ADAM32: variants seen among roughly 807,000 people sequenced by gnomAD.
ADAM32 encodes ADAM metallopeptidase domain 32.
ADAM32 carries 89 observed loss-of-function variants against 114.9 expected under a neutral mutation model. The observed-to-expected ratio is 0.77, with a 90% confidence interval of 0.65 to 0.92. The LOEUF (loss-of-function observed/expected upper bound fraction) is 0.92, where lower values mean the gene tolerates loss of function less well. ADAM32 is among the 40% of genes least tolerant of loss of function. The pLI is 0.00. For missense variants in ADAM32, 870 were observed against 932.8 expected (o/e 0.93, Z 0.88); for synonymous variants, 285 against 307.5 (o/e 0.93, Z 0.77).
intron 17 of ADAM32, among the ~76,000 whole-genome samples, chr8:39,249,617 T>C (rs1811158900): frequency 6.6e-6 from 1 of 152,176 alleles, no homozygotes; most frequent in Non-Finnish European, 1.5e-5. Flanking sequence ...AATTTAATAG[T>C]GAACCCATCT....
rs374311756 is a variant in ADAM32 at position 39,191,460 on chromosome 8, C to T, written c.1052+4415C>T. On this transcript the variant is annotated intron_variant, in intron 11 of 24. Coordinates refer to ENST00000379907, the MANE Select transcript of ADAM32 (RefSeq NM_145004.7). ...AATAACCATTCTGATTGGTATGAGACGGTATCTCATTGTAGTTTTGATGTG... is the reference window on the plus strand; with the variant it reads ...AATAACCATTCTGATTGGTATGAGATGGTATCTCATTGTAGTTTTGATGTG... Among the ~76,000 whole-genome samples the T allele has an allele frequency of 4.8e-4, 73 of 152,226 alleles. No individual in the cohort carries two copies. In the South Asian group the frequency reaches 1.0e-2, roughly 21 times the overall value.
chr8:39,123,519 T>C (rs1385980102), intron 2 of ADAM32, among the ~76,000 whole-genome samples: 2 of 152,176 alleles, frequency 1.3e-5, no homozygotes, highest in Non-Finnish European at 2.9e-5. Context: ...ATTTCCCATA[T>C]TGCATGCTCA....
At chr8:39,169,855 G>A in intron 9 of ADAM32, 61 bp from the exon 10 acceptor site, 2 of 1,268,056 alleles carry the variant, frequency 1.6e-6, no homozygotes, top group South Asian at 2.9e-5. Flanking sequence ...ATTATTAGCA[G>A]GAATTCTCAT....
chr8:39,211,563 A>G (rs947469747), intron 12 of ADAM32, among the ~76,000 whole-genome samples: 15 of 152,330 alleles, frequency 9.8e-5, no homozygotes, highest in African/African-American at 3.6e-4. Context: ...AGTCTAGAAT[A>G]AGCTTTTGAG....
At chr8:39,283,565 G>A (rs767714607) in intron 23 of ADAM32, 21 bp from the exon 24 acceptor site, 1 of 1,575,428 alleles carries the variant, frequency 6.3e-7, no homozygotes, top group Non-Finnish European at 8.7e-7. Context: ...GCCTAAAAAT[G>A]TTATTTCCTT....
Position 39,129,113 on chromosome 8 carries a change from G to GT in ADAM32, c.139-7535dup, listed in dbSNP as rs1261788036. Among the ~76,000 whole-genome samples, 56 of 117,674 alleles carry GT rather than the reference G, an allele frequency of 4.8e-4. 1 individual carries two copies. In the South Asian group the frequency reaches 4.8e-3, roughly 10 times the overall value. The allele number at this position is 117,674 out of a possible 152,430, so 77.2% of individuals were successfully genotyped here. A position where few individuals can be genotyped will look rare whatever the true frequency, so the allele number is the denominator to read the frequency against. ...TTACCTAATTTGTTCATTGGTTCTC[G>GT]TTTTTTTTTGTCTTTTTTTTTTTTT... is the stretch of plus-strand genomic sequence containing the variant. On this transcript the variant is annotated intron_variant, in intron 2 of 24. Transcript: ENST00000379907.
chr8:39,107,982 C>T (rs1839997327), intron 1 of ADAM32, 149 bp downstream of exon 1: 3 of 1,111,234 alleles, frequency 2.7e-6, no homozygotes, highest in Admixed American at 3.3e-5. Flanking sequence ...GCGCCCCGTC[C>T]GGATGGAGAA....
rs532116986 is a variant in ADAM32 at position 39,119,949 on chromosome 8, T to C, written c.138+1784T>C. On this transcript the variant is annotated intron_variant, in intron 2 of 24. Transcript: ENST00000379907. ...AGGGCTTTAATTAATCTAATAGGAC[T>C]GATGTACTTATAAGAAGAGGAAATA... Among the ~76,000 whole-genome samples the C allele has an allele frequency of 6.6e-5, 10 of 152,178 alleles. No homozygotes were observed. The South Asian group carries it at 1.9e-3, about 28-fold the overall frequency.
intron 20 of ADAM32, among the ~76,000 whole-genome samples, chr8:39,272,569 A>G (rs893856345): frequency 1.3e-5 from 2 of 152,194 alleles, no homozygotes; most frequent in African/African-American, 2.4e-5. Flanking sequence ...AACATAGAAA[A>G]GCTACTGTAA....
At chr8:39,221,830 A>G (rs1808987789) in intron 13 of ADAM32, 128 bp downstream of exon 13, 2 of 639,576 alleles carry the variant, frequency 3.1e-6, no homozygotes, top group Admixed American at 7.2e-5. Context: ...AAGATAATAA[A>G]TTCAGAATCA....
intron 10 of ADAM32, among the ~76,000 whole-genome samples, chr8:39,183,831 C>T (rs922789681): frequency 6.6e-6 from 1 of 152,172 alleles, no homozygotes; most frequent in Admixed American, 6.5e-5. Flanking sequence ...CAAAATGTGA[C>T]CCTGGTCAGA....
intron 18 of ADAM32, among the ~76,000 whole-genome samples, chr8:39,255,685 A>C (rs1355104096): frequency 1.3e-5 from 2 of 151,682 alleles, no homozygotes; most frequent in Non-Finnish European, 2.9e-5. Context: ...TTATCTGTTT[A>C]CTCTGCTGAT....
intron 11 of ADAM32, among the ~76,000 whole-genome samples, chr8:39,198,330 C>G (rs1807152338): frequency 6.6e-6 from 1 of 152,106 alleles, no homozygotes; most frequent in Non-Finnish European, 1.5e-5. Context: ...AGGACTTACT[C>G]CTGTCATTTG....
At chr8:39,269,013 C>G (rs950445378) in intron 19 of ADAM32, among the ~76,000 whole-genome samples, 9 of 151,698 alleles carry the variant, frequency 5.9e-5, no homozygotes, top group African/African-American at 2.2e-4. Context: ...TGGTTTTACT[C>G]TGGCTCAGGC....
At chr8:39,111,020 A>G (rs1168284463) in intron 1 of ADAM32, among the ~76,000 whole-genome samples, 1 of 152,208 alleles carries the variant, frequency 6.6e-6, no homozygotes, top group Non-Finnish European at 1.5e-5. Context: ...GTCTGGCTTA[A>G]TTCACTTGCA....
intron 2 of ADAM32, chr8:39,130,954 G>GTTT (rs1449685094): frequency 4.4e-5 from 15 of 337,706 alleles, no homozygotes; most frequent in Admixed American, 8.2e-5. Context: ...GCAGGAGGAT[G>GTTT]TCTTTTTTTT....
At chr8:39,116,160 A>G (rs953460169) in intron 1 of ADAM32, among the ~76,000 whole-genome samples, 3 of 152,216 alleles carry the variant, frequency 2.0e-5, no homozygotes, top group African/African-American at 7.2e-5. Flanking sequence ...GTTTGAAGAC[A>G]GGTAGTGTGA....
chr8:39,179,429 TC>T (rs1291632454), intron 10 of ADAM32, among the ~76,000 whole-genome samples: 1 of 152,100 alleles, frequency 6.6e-6, no homozygotes, highest in African/African-American at 2.4e-5. Flanking sequence ...TCAGCCCCCT[TC>T]CTACAGGAAT....
At chr8:39,196,150 C>T (rs1806970590) in intron 11 of ADAM32, among the ~76,000 whole-genome samples, 1 of 151,956 alleles carries the variant, frequency 6.6e-6, no homozygotes, top group Non-Finnish European at 1.5e-5. Context: ...TAGTTTGTTT[C>T]TGGAGAATAG....
Sources: gnomAD v4.1 joint callset for allele counts (sites outside exome capture counted in the v4.1 genomes callset) on GRCh38, gnomAD v4.1.1 for gene constraint, MANE v1.5 for transcripts, NCBI Gene and HGNC (gene_info 2026-07-23, HGNC 2026-07-21) for gene names.